Variants in PTOV1 observed in about 807,000 individuals in gnomAD.
The protein encoded by PTOV1 is PTOV1 extended AT-hook containing adaptor protein, also known as prostate tumor-overexpressed gene 1 protein.
Under a neutral mutation model 58.0 loss-of-function variants are expected in PTOV1, and 20 were observed. The ratio of observed to expected loss-of-function variants is 0.34; its 90% CI spans 0.24 to 0.50. The LOEUF (loss-of-function observed/expected upper bound fraction) is 0.50, where lower values mean the gene tolerates loss of function less well. PTOV1 is among the 20% of genes least tolerant of loss of function. PTOV1 has a pLI of 0.98. For missense variants in PTOV1, 593 were observed against 565.4 expected (o/e 1.05, Z -0.50); for synonymous variants, 335 against 234.2 (o/e 1.43, Z -3.93).
intron 1 of PTOV1, chr19:49,851,803 C>T (rs1039391751): frequency 2.9e-6 from 3 of 1,027,092 alleles, no homozygotes; most frequent in Non-Finnish European, 3.5e-6. Context: ...GCAGCCGGCA[C>T]GCTCGCTTGT....
Position 49,854,743 on chromosome 19 carries a change from C to T in PTOV1, c.392+9C>T, listed in dbSNP as rs115799833. On this transcript the variant is annotated intron_variant, in intron 3 of 11. Transcript: ENST00000391842. ...AACCAAGGCGAGAACCTGTGAGTGC[C>T]GGGGCGTGGCAGCCAGGGCGGTGGC... 2,906 of 1,613,300 alleles carry T rather than the reference C, an allele frequency of 1.8e-3. 46 individuals carry two copies. The African/African-American group carries it at 0.033, about 18-fold the overall frequency.
intron 10 of PTOV1, among the ~76,000 whole-genome samples, chr19:49,859,448 A>G (rs1284426872): frequency 2.7e-5 from 4 of 150,516 alleles, no homozygotes; most frequent in Admixed American, 2.6e-4. Flanking sequence ...AAAATTAGCC[A>G]GGCATGATGG....
At chr19:49,852,179 C>T in intron 1 of PTOV1, 1 of 681,630 alleles carries the variant, frequency 1.5e-6, no homozygotes, top group East Asian at 1.3e-4. Flanking sequence ...GCACCGTGCA[C>T]ACGCTTGCCC....
intron 9 of PTOV1, chr19:49,858,346 C>T: frequency 1.4e-6 from 1 of 689,814 alleles, no homozygotes; most frequent in Non-Finnish European, 2.4e-6. Flanking sequence ...ACGACCTGCA[C>T]CTGGGGGGCT....
exon 7 of PTOV1, chr19:49,857,750 C>G: frequency 6.2e-7 from 1 of 1,614,196 alleles, no homozygotes; most frequent in East Asian, 2.2e-5. Flanking sequence ...CAACAAGTTT[C>G]TGGCATGGAG....
At position 49,854,947 on chromosome 19, in the gene PTOV1, GCTGT is replaced by G; in HGVS notation, c.451-17_451-14del. ...AGCACCCCCATGCCTGGCTGACCCA[GCTGT>G]CTGTCCTGTCGCCCCCAGACCACCC... On this transcript the variant is annotated intron_variant, in intron 4 of 11. Coordinates refer to ENST00000391842, the Ensembl canonical transcript of PTOV1. 16 of 1,360,008 alleles carry G rather than the reference GCTGT, an allele frequency of 1.2e-5. No individual in the cohort carries two copies. Among genetic ancestry groups the G allele is most frequent in the Non-Finnish European group, 1.6e-5 (16 of 1,024,560 alleles). The allele number at this position is 1,360,008 out of a possible 1,614,324, so 84.2% of individuals were successfully genotyped here.
Position 49,854,276 on chromosome 19 carries a change from A to G in PTOV1, c.172-130A>G, listed in dbSNP as rs1423394044. ...TGAGGGGTGAGCAGAGGGTTTGGAC[A>G]TGGCCCCGTGGGCTTCCAGCAGGGG... On this transcript the variant is annotated intron_variant, in intron 1 of 11. Coordinates refer to ENST00000391842, the Ensembl canonical transcript of PTOV1. The G allele has an allele frequency of 2.4e-6, 3 of 1,249,458 alleles. No individual in the cohort carries two copies. The Admixed American group carries it at 6.6e-5, about 28-fold the overall frequency. 77.4% of individuals were successfully genotyped at this position (1,249,458 alleles called of 1,614,324 possible). A position where few individuals can be genotyped will look rare whatever the true frequency, so the allele number is the denominator to read the frequency against.
chr19:49,857,192 TG>T (rs2074510281), intron 6 of PTOV1, 62 bp downstream of exon 6: 1 of 1,587,822 alleles, frequency 6.3e-7, no homozygotes, highest in African/African-American at 1.3e-5. Context: ...CTGCCCTGGT[TG>T]GGCAGCCAGA....
At chr19:49,858,570 C>G in exon 10 of PTOV1, 1 of 1,603,216 alleles carries the variant, frequency 6.2e-7, no homozygotes, top group Non-Finnish European at 8.5e-7. Flanking sequence ...GCCGCTGTTC[C>G]GGAACTCGCG....
At chr19:49,855,168 G>A in intron 5 of PTOV1, 91 bp downstream of exon 5, 5 of 1,298,750 alleles carry the variant, frequency 3.8e-6, no homozygotes, top group South Asian at 1.3e-5. Context: ...GGGTCGGGGG[G>A]TCTCCCCTGG....
At chr19:49,854,666 C>T (rs1215787612) in exon 3 of PTOV1, 2 of 1,613,526 alleles carry the variant, frequency 1.2e-6, no homozygotes, top group Non-Finnish European at 1.7e-6. Flanking sequence ...GCAGACCCTA[C>T]TCTGACTCCA....
chr19:49,854,108 G>A (rs562117370), intron 1 of PTOV1, among the ~76,000 whole-genome samples: 158 of 152,268 alleles, frequency 1.0e-3, no homozygotes, highest in Non-Finnish European at 2.0e-3. Context: ...CAGGCGCACA[G>A]CTGGGGCAAA....
chr19:49,851,798 C>A, intron 1 of PTOV1: 1 of 1,031,432 alleles, frequency 9.7e-7, no homozygotes, highest in African/African-American at 1.7e-5. Context: ...GACAGGCAGC[C>A]GGCACGCTCG....
chr19:49,858,353 G>A, intron 9 of PTOV1, 196 bp from the exon 10 acceptor site: 5 of 679,418 alleles, frequency 7.4e-6, no homozygotes, highest in East Asian at 5.5e-5. Context: ...GCACCTGGGG[G>A]GCTGCCAAGG....
intron 6 of PTOV1, 35 bp from the exon 7 acceptor site, chr19:49,857,658 T>C: frequency 6.3e-7 from 1 of 1,591,588 alleles, no homozygotes; most frequent in Non-Finnish European, 8.6e-7. Flanking sequence ...CCCAGGAGCC[T>C]GGGCCCCTCT....
chr19:49,854,662 C>T (rs2074382881), exon 3 of PTOV1: 6 of 1,613,392 alleles, frequency 3.7e-6, no homozygotes, highest in Non-Finnish European at 5.1e-6. Flanking sequence ...AAGCGCAGAC[C>T]CTACTCTGAC....
At chr19:49,851,522 A>T in intron 1 of PTOV1, 23 bp downstream of exon 1, 1 of 1,100,024 alleles carries the variant, frequency 9.1e-7, no homozygotes, top group Non-Finnish European at 1.1e-6. Context: ...CCCTTTTTCC[A>T]GAGCCTTCCA....
At chr19:49,857,948 C>G (rs1321771194) in exon 8 of PTOV1, 2 of 1,613,850 alleles carry the variant, frequency 1.2e-6, no homozygotes, top group Non-Finnish European at 1.7e-6. Flanking sequence ...GGCTGCCATC[C>G]CACGTCTACG....
At chr19:49,853,532 GC>G (rs1163342169) in intron 1 of PTOV1, among the ~76,000 whole-genome samples, 6 of 151,852 alleles carry the variant, frequency 4.0e-5, no homozygotes, top group Non-Finnish European at 8.8e-5. Context: ...GGGCATGATG[GC>G]GCGGCTTGCA....
Sources: gnomAD v4.1 joint callset for allele counts (sites outside exome capture counted in the v4.1 genomes callset) on GRCh38, gnomAD v4.1.1 for gene constraint, MANE v1.5 for transcripts, NCBI Gene and HGNC (gene_info 2026-07-23, HGNC 2026-07-21) for gene names.